Variants in SEPTIN2 observed in about 807,000 individuals in gnomAD.
SEPTIN2 encodes the protein septin-2.
A neutral mutation model predicts 46.5 loss-of-function variants in SEPTIN2; 34 were observed. The ratio of observed to expected loss-of-function variants is 0.73; its 90% CI spans 0.56 to 0.97. The LOEUF is 0.97. Among genes scored for constraint, SEPTIN2 ranks in the 50% least tolerant of loss-of-function variants. The pLI, the probability that SEPTIN2 is intolerant of heterozygous loss-of-function variation, is 0.00. For missense variants in SEPTIN2, 347 were observed against 448.4 expected, an observed-to-expected ratio of 0.77 and a Z score of 2.04; for synonymous variants, 175 against 153.4, an observed-to-expected ratio of 1.14 and a Z score of -1.04.
At position 241,324,448 on chromosome 2, in the gene SEPTIN2, C is replaced by A. The variant is rs1282673955; in HGVS notation, c.9+207C>A. ...CTGTCACCAGGCTGGAGTGCAGTGG[C>A]ATGATCTCAGCTCACTGCAACTTCT... On this transcript the variant is annotated intron_variant, in intron 2 of 12. Coordinates refer to ENST00000391971, the MANE Select transcript of SEPTIN2 (RefSeq NM_004404.5). 4 of 523,248 alleles carry A rather than the reference C, an allele frequency of 7.6e-6. No homozygotes were observed. The Admixed American group carries it at 1.3e-4, about 17-fold the overall frequency. 32.4% of individuals were successfully genotyped at this position (523,248 alleles called of 1,614,324 possible). A position where few individuals can be genotyped will look rare whatever the true frequency, so the allele number is the denominator to read the frequency against.
chr2:241,332,040 CCTG>C (rs1396590570), intron 3 of SEPTIN2, among the ~76,000 whole-genome samples: 2 of 152,260 alleles, frequency 1.3e-5, no homozygotes, highest in African/African-American at 4.8e-5. Context: ...AACTTCAACT[CCTG>C]CTTCACACTG....
chr2:241,343,624 C>A, intron 8 of SEPTIN2, 128 bp from the exon 9 acceptor site: 2 of 982,728 alleles, frequency 2.0e-6, no homozygotes, highest in East Asian at 2.4e-5. Flanking sequence ...ATGTTACATA[C>A]CCCCAGCTTT....
At chr2:241,323,877 A>C (rs1377414900) in intron 1 of SEPTIN2, among the ~76,000 whole-genome samples, 2 of 152,228 alleles carry the variant, frequency 1.3e-5, no homozygotes, top group Non-Finnish European at 2.9e-5. Flanking sequence ...GGATTTGTTT[A>C]ACTTCCTTTT....
chr2:241,319,591 T>C (rs1336300836), intron 1 of SEPTIN2, among the ~76,000 whole-genome samples: 2 of 152,184 alleles, frequency 1.3e-5, no homozygotes, highest in African/African-American at 2.4e-5. Context: ...ATTTAAGCAG[T>C]TTTCCTTTTT....
chr2:241,317,856 G>A (rs752406903), intron 1 of SEPTIN2, among the ~76,000 whole-genome samples: 2 of 152,116 alleles, frequency 1.3e-5, no homozygotes, highest in Non-Finnish European at 2.9e-5. Flanking sequence ...TAAGCTGTGG[G>A]TCAAGATTAA....
intron 10 of SEPTIN2, among the ~76,000 whole-genome samples, chr2:241,347,855 C>T (rs1162114953): frequency 1.3e-5 from 2 of 151,842 alleles, no homozygotes; most frequent in Non-Finnish European, 2.9e-5. Context: ...CTCTACTAAA[C>T]ACAAAAAAAA....
chr2:241,331,910 T>C (rs905096131), intron 3 of SEPTIN2, among the ~76,000 whole-genome samples: 3 of 152,180 alleles, frequency 2.0e-5, no homozygotes, highest in African/African-American at 7.2e-5. Flanking sequence ...CCCATCAATA[T>C]AATAAGTTCA....
At chr2:241,330,171 C>A (rs1202443792) in intron 3 of SEPTIN2, among the ~76,000 whole-genome samples, 1 of 152,056 alleles carries the variant, frequency 6.6e-6, no homozygotes. Context: ...AATAAAAAGT[C>A]AATGCACTGA....
At chr2:241,344,323 A>G (rs1016270038) in intron 9 of SEPTIN2, among the ~76,000 whole-genome samples, 1 of 152,158 alleles carries the variant, frequency 6.6e-6, no homozygotes, top group Non-Finnish European at 1.5e-5. Flanking sequence ...GACTCATTGT[A>G]TGGCCCTGGT....
At chr2:241,324,301 G>T in intron 2 of SEPTIN2, 60 bp downstream of exon 2, 1 of 1,371,530 alleles carries the variant, frequency 7.3e-7, no homozygotes, top group Non-Finnish European at 1.0e-6. Flanking sequence ...TTTTCAGACT[G>T]TTGACAGTCG....
intron 10 of SEPTIN2, 197 bp downstream of exon 10, chr2:241,346,446 A>G (rs2060241142): frequency 7.7e-6 from 3 of 387,614 alleles, no homozygotes; most frequent in Non-Finnish European, 1.4e-5. Context: ...ACATTTAATG[A>G]TATGCACGTA....
intron 5 of SEPTIN2, chr2:241,337,113 T>C: frequency 6.1e-6 from 2 of 329,382 alleles, no homozygotes; most frequent in Non-Finnish European, 1.1e-5. Flanking sequence ...AAGAACGAAT[T>C]GGCAGCCCTG....
chr2:241,328,263 C>T (rs2078333930), intron 3 of SEPTIN2, among the ~76,000 whole-genome samples: 1 of 150,910 alleles, frequency 6.6e-6, no homozygotes, highest in Non-Finnish European at 1.5e-5. Context: ...GGCAAAACCC[C>T]ATCTCTACTA....
chr2:241,336,608 A>C (rs533000951), intron 5 of SEPTIN2, among the ~76,000 whole-genome samples: 1 of 152,342 alleles, frequency 6.6e-6, no homozygotes, highest in South Asian at 2.1e-4. Context: ...GGTTTCCACC[A>C]CTAGATGAAA....
chr2:241,322,448 T>TA (rs980111788), intron 1 of SEPTIN2, among the ~76,000 whole-genome samples: 5 of 149,386 alleles, frequency 3.3e-5, no homozygotes, highest in Middle Eastern at 3.2e-3. Context: ...TACTAAAAAT[T>TA]AAAAAAAAAT....
chr2:241,315,598 C>G (rs1159298312), upstream of SEPTIN2: 1 of 152,242 alleles, frequency 6.6e-6, no homozygotes, highest in African/African-American at 2.4e-5. Context: ...CATAAGAAAA[C>G]CGAGCTCATA....
At chr2:241,338,906 ATATAAT>A (rs2080780136) in intron 7 of SEPTIN2, among the ~76,000 whole-genome samples, 3 of 79,570 alleles carry the variant, frequency 3.8e-5, no homozygotes, top group Non-Finnish European at 4.8e-5. Context: ...TATATATTAT[ATATAAT>A]ATATATAATT....
intron 3 of SEPTIN2, among the ~76,000 whole-genome samples, chr2:241,329,330 G>A (rs1266008219): frequency 3.3e-5 from 5 of 151,896 alleles, no homozygotes; most frequent in South Asian, 2.1e-4. Context: ...GGGTTTCACC[G>A]TGTTAGCCAT....
chr2:241,348,283 A>G (rs1029040335), intron 11 of SEPTIN2, 92 bp downstream of exon 11: 4 of 998,618 alleles, frequency 4.0e-6, no homozygotes, highest in African/African-American at 1.7e-5. Context: ...GCTGGAGTGC[A>G]GTGGCGTGAT....
Sources: allele counts gnomAD v4.1 joint callset (sites outside exome capture counted in the v4.1 genomes callset), GRCh38; gene constraint gnomAD v4.1.1; transcripts MANE v1.5; gene names NCBI Gene and HGNC (gene_info 2026-07-23, HGNC 2026-07-21).